The following CTNNA2 variants were observed in gnomAD, a reference collection of about 807,000 sequenced individuals.
CTNNA2 encodes catenin alpha 2, also known as catenin alpha-2.
Under a neutral mutation model 101.0 loss-of-function variants are expected in CTNNA2, and 42 were observed. The observed-to-expected ratio is 0.42, with a 90% CI of 0.32 to 0.54. The LOEUF (loss-of-function observed/expected upper bound fraction) is 0.54. CTNNA2 is among the 20% of genes least tolerant of loss of function. The pLI is 0.14. For synonymous variants in CTNNA2, 450 were observed against 456.4 expected, an observed-to-expected ratio of 0.99 and a Z score of 0.18; for missense variants, 871 against 1,223.1, an observed-to-expected ratio of 0.71 and a Z score of 4.29.
intron 3 of CTNNA2, among the ~76,000 whole-genome samples, chr2:79,831,799 A>G (rs1258873398): frequency 2.0e-5 from 3 of 151,870 alleles, no homozygotes; most frequent in African/African-American, 7.3e-5. Flanking sequence ...TTCAATTAAA[A>G]AAAAAAGTTT....
intron 4 of CTNNA2, among the ~76,000 whole-genome samples, chr2:79,414,778 C>T (rs906867210): frequency 2.6e-5 from 4 of 151,952 alleles, no homozygotes; most frequent in Non-Finnish European, 5.9e-5. Context: ...AAAGGGAGGC[C>T]CAGCTGTTAG....
At chr2:79,752,843 G>C (rs1672133440) in intron 3 of CTNNA2, among the ~76,000 whole-genome samples, 1 of 152,102 alleles carries the variant, frequency 6.6e-6, no homozygotes, top group African/African-American at 2.4e-5. Flanking sequence ...AAGTATCAGG[G>C]TATATATGAA....
chr2:80,025,928 C>G (rs577491334), intron 7 of CTNNA2, among the ~76,000 whole-genome samples: 1 of 152,284 alleles, frequency 6.6e-6, no homozygotes, highest in Admixed American at 6.5e-5. Flanking sequence ...TTTCCTGGAG[C>G]TTACATGCAA....
At chr2:79,980,040 T>C (rs1486126687) in intron 7 of CTNNA2, among the ~76,000 whole-genome samples, 1 of 152,222 alleles carries the variant, frequency 6.6e-6, no homozygotes, top group Non-Finnish European at 1.5e-5. Flanking sequence ...ACTCATGCCT[T>C]ATTCAAACTT....
At chr2:80,500,358 A>G (rs1171226838) in intron 9 of CTNNA2, among the ~76,000 whole-genome samples, 2 of 152,118 alleles carry the variant, frequency 1.3e-5, no homozygotes, top group East Asian at 3.9e-4. Context: ...TCATTTACCC[A>G]TCCATCTATT....
intron 9 of CTNNA2, among the ~76,000 whole-genome samples, chr2:80,444,514 G>A (rs1682900730): frequency 6.6e-6 from 1 of 151,994 alleles, no homozygotes; most frequent in African/African-American, 2.4e-5. Context: ...TTTCTCCTGG[G>A]GACTGTCCTA....
chr2:80,521,245 CAA>C (rs1559177639), intron 9 of CTNNA2, among the ~76,000 whole-genome samples: 1 of 152,148 alleles, frequency 6.6e-6, no homozygotes. Flanking sequence ...AGTGGAAGAA[CAA>C]AAGAGAAACT....
chr2:80,223,907 C>A (rs1423281561), intron 7 of CTNNA2, among the ~76,000 whole-genome samples: 7 of 152,148 alleles, frequency 4.6e-5, no homozygotes, highest in Admixed American at 3.9e-4. Flanking sequence ...TGTTTAGATA[C>A]CACACTTGAG....
intron 17 of CTNNA2, among the ~76,000 whole-genome samples, chr2:80,617,775 G>A (rs772948818): frequency 1.1e-4 from 16 of 151,640 alleles, no homozygotes; most frequent in South Asian, 2.1e-4. Flanking sequence ...TATTTAGTAC[G>A]CTAAGAATGA....
chr2:80,552,598 C>G (rs1350048346), intron 11 of CTNNA2, among the ~76,000 whole-genome samples: 1 of 152,008 alleles, frequency 6.6e-6, no homozygotes, highest in Non-Finnish European at 1.5e-5. Context: ...GGAAATGCAT[C>G]GTTGGGCAAT....
rs188154097 is a variant in CTNNA2 at position 79,444,315 on chromosome 2, A to T, written c.-134-60739A>T. Among the ~76,000 whole-genome samples the T allele has an allele frequency of 7.9e-5, 12 of 152,276 alleles. No individual in the cohort carries two copies. In the East Asian group the frequency reaches 2.3e-3, roughly 29 times the overall value. Reference sequence around the variant, plus strand: ...ATATTTGACTTTTTTCCCAAGGAGGAAAAAGAATACAAATATTCTATAGGA... The same window carrying T: ...ATATTTGACTTTTTTCCCAAGGAGGTAAAAGAATACAAATATTCTATAGGA... On this transcript the variant is annotated intron_variant, in intron 4 of 21. Coordinates refer to the CTNNA2 transcript ENST00000466387.
intron 3 of CTNNA2, among the ~76,000 whole-genome samples, chr2:79,819,042 T>C (rs543674590): frequency 6.6e-6 from 1 of 150,704 alleles, no homozygotes; most frequent in South Asian, 2.1e-4. Flanking sequence ...TGTAGTGGTA[T>C]GATCTCGGTT....
At chr2:79,893,224 C>A (rs558750014) in intron 6 of CTNNA2, among the ~76,000 whole-genome samples, 5 of 152,204 alleles carry the variant, frequency 3.3e-5, no homozygotes, top group African/African-American at 1.2e-4. Context: ...TCCTTCAGCC[C>A]GTTTTCTCAC....
chr2:79,838,714 G>A (rs1020451921), intron 3 of CTNNA2, among the ~76,000 whole-genome samples: 12 of 152,096 alleles, frequency 7.9e-5, no homozygotes, highest in African/African-American at 1.9e-4. Context: ...TATTAAAAGT[G>A]TTGATTATGA....
chr2:79,438,752 A>G (rs1489923804), intron 4 of CTNNA2, among the ~76,000 whole-genome samples: 3 of 152,212 alleles, frequency 2.0e-5, no homozygotes, highest in African/African-American at 7.2e-5. Flanking sequence ...CATGAGAATG[A>G]CTTGGCATTT....
intron 4 of CTNNA2, among the ~76,000 whole-genome samples, chr2:79,469,026 G>T (rs1038808410): frequency 6.6e-6 from 1 of 152,088 alleles, no homozygotes; most frequent in African/African-American, 2.4e-5. Flanking sequence ...AAATAACTAA[G>T]ATCAGAGCAG....
intron 7 of CTNNA2, chr2:80,378,598 A>G (rs1015318467): frequency 6.6e-6 from 1 of 152,146 alleles, no homozygotes; most frequent in African/African-American, 2.4e-5. Flanking sequence ...ACCTACTCCA[A>G]TAGTTTCCTA....
intron 3 of CTNNA2, among the ~76,000 whole-genome samples, chr2:79,331,820 GA>G (rs1676879807): frequency 6.6e-6 from 1 of 152,150 alleles, no homozygotes; most frequent in Non-Finnish European, 1.5e-5. Flanking sequence ...AAAAAGGGGG[GA>G]AAGCAAATAA....
intron 7 of CTNNA2, among the ~76,000 whole-genome samples, chr2:79,920,309 T>C (rs1477028399): frequency 1.3e-5 from 2 of 152,214 alleles, no homozygotes; most frequent in Non-Finnish European, 2.9e-5. Context: ...AATATGTTGC[T>C]CTTGACTACA....
Sources: gnomAD v4.1 joint callset for allele counts (sites outside exome capture counted in the v4.1 genomes callset) on GRCh38, gnomAD v4.1.1 for gene constraint, MANE v1.5 for transcripts, NCBI Gene and HGNC (gene_info 2026-07-23, HGNC 2026-07-21) for gene names.